DOCK11: variants seen among roughly 807,000 people sequenced by gnomAD.
The protein encoded by DOCK11 is dedicator of cytokinesis protein 11.
DOCK11 carries 70 observed loss-of-function variants against 169.1 expected under a neutral mutation model. That is an observed-to-expected ratio of 0.41 (90% confidence interval 0.34 to 0.51). The LOEUF is 0.51. DOCK11 is among the 20% of genes least tolerant of loss of function. The pLI is 0.10. For missense variants in DOCK11, 1,166 were observed against 1,538.8 expected (o/e 0.76, Z 4.05); for synonymous variants, 529 against 541.3 (o/e 0.98, Z 0.32).
At chrX:118,504,128 C>A (rs188517647) in intron 1 of DOCK11, among the ~76,000 whole-genome samples, 1 of 110,958 alleles carries the variant, frequency 9.0e-6, no homozygotes, top group Non-Finnish European at 1.9e-5. Flanking sequence ...CCAGTCTTCA[C>A]CCCATCTCCG....
chrX:118,612,748 A>AT (rs1438494684), intron 28 of DOCK11, among the ~76,000 whole-genome samples: 2 of 111,989 alleles, frequency 1.8e-5, no homozygotes, highest in African/African-American at 6.5e-5. Flanking sequence ...AAGATGAAAT[A>AT]TGCATGTTCA....
At chrX:118,627,158 G>A (rs990402027) in intron 32 of DOCK11, among the ~76,000 whole-genome samples, 1 of 111,584 alleles carries the variant, frequency 9.0e-6, no homozygotes, top group Non-Finnish European at 1.9e-5. Context: ...AGCCCAGGAG[G>A]TTGAGGCTAC....
chrX:118,670,787 T>TA (rs1404866311), intron 45 of DOCK11, among the ~76,000 whole-genome samples: 1 of 112,313 alleles, frequency 8.9e-6, no homozygotes, highest in African/African-American at 3.2e-5. Flanking sequence ...ATAAACAAAA[T>TA]AATCATAGTT....
intron 19 of DOCK11, among the ~76,000 whole-genome samples, chrX:118,592,006 C>T (rs1603096912): frequency 9.3e-6 from 1 of 107,260 alleles, no homozygotes; most frequent in Admixed American, 1.0e-4. Flanking sequence ...TGTATATGTG[C>T]CACATTTTCT....
intron 1 of DOCK11, among the ~76,000 whole-genome samples, chrX:118,532,097 C>G (rs1309604419): frequency 1.9e-5 from 2 of 106,434 alleles, no homozygotes; most frequent in Non-Finnish European, 3.9e-5. Context: ...TTTTTTGTTT[C>G]AGAGGAGGAT....
chrX:118,547,113 GA>G (rs1303557210), intron 6 of DOCK11, among the ~76,000 whole-genome samples: 1 of 111,487 alleles, frequency 9.0e-6, no homozygotes, highest in African/African-American at 3.3e-5. Flanking sequence ...AATCCAAAGG[GA>G]AAACAAGCTA....
At chrX:118,585,563 G>A (rs2013790392) in intron 16 of DOCK11, among the ~76,000 whole-genome samples, 1 of 105,091 alleles carries the variant, frequency 9.5e-6, no homozygotes, top group Non-Finnish European at 1.9e-5. Flanking sequence ...TCTAAATAAA[G>A]TCACATTCTG....
chrX:118,592,285 C>G (rs1208558779), intron 19 of DOCK11, among the ~76,000 whole-genome samples: 1 of 97,480 alleles, frequency 1.0e-5, no homozygotes, highest in Admixed American at 1.2e-4. Flanking sequence ...CACATCCTCT[C>G]CAGCACCTGT....
intron 39 of DOCK11, among the ~76,000 whole-genome samples, chrX:118,643,176 T>A (rs919993971): frequency 8.9e-6 from 1 of 111,767 alleles, no homozygotes; most frequent in Admixed American, 9.6e-5. Flanking sequence ...TGGTATAGGT[T>A]AATAGAAAAT....
In DOCK11 at chrX:118,604,369, G is replaced by A. The variant is rs146446611; in HGVS notation, c.2563-869G>A. ...TACTATTTTGGTTATTGATTAGAGGGTCTTGAAGACAGATAGTGGCAAAAG... is the reference window on the plus strand; with the variant it reads ...TACTATTTTGGTTATTGATTAGAGGATCTTGAAGACAGATAGTGGCAAAAG... On this transcript the variant is annotated intron_variant, in intron 23 of 52. Coordinates refer to ENST00000276202, the MANE Select transcript of DOCK11 (RefSeq NM_144658.4). Among the ~76,000 whole-genome samples, 652 of 111,147 alleles carry A rather than the reference G, an allele frequency of 5.9e-3. 7 individuals carry two copies. The highest frequency in any genetic ancestry group is 0.021 in the African/African-American group (630 of 30,557).
At chrX:118,597,106 C>T (rs1049402082) in intron 20 of DOCK11, among the ~76,000 whole-genome samples, 1 of 112,064 alleles carries the variant, frequency 8.9e-6, no homozygotes, top group African/African-American at 3.2e-5. Flanking sequence ...ATAATGGTAT[C>T]GATGCGCTTT....
intron 7 of DOCK11, among the ~76,000 whole-genome samples, chrX:118,563,690 A>G (rs186461481): frequency 1.3e-3 from 137 of 106,994 alleles, no homozygotes; most frequent in African/African-American, 4.2e-3. Context: ...TATTTTTATT[A>G]TCATTTAAAA....
intron 37 of DOCK11, 33 bp from the exon 38 acceptor site, chrX:118,639,402 C>T: frequency 8.4e-7 from 1 of 1,192,421 alleles, no homozygotes; most frequent in South Asian, 1.8e-5. Context: ...GTTATTAGAG[C>T]ACTCCAGTTC....
chrX:118,635,744 C>T (rs769988349), intron 35 of DOCK11, among the ~76,000 whole-genome samples: 32 of 110,845 alleles, frequency 2.9e-4, no homozygotes, highest in South Asian at 7.7e-4. Flanking sequence ...CTGGCCACCA[C>T]GCCCAGCTAA....
intron 18 of DOCK11, among the ~76,000 whole-genome samples, chrX:118,588,731 T>C (rs934112297): frequency 1.8e-5 from 2 of 112,436 alleles, no homozygotes; most frequent in African/African-American, 6.5e-5. Flanking sequence ...TTGCAATTGC[T>C]TCAATGCCCA....
intron 1 of DOCK11, among the ~76,000 whole-genome samples, chrX:118,509,862 C>G (rs1296826655): frequency 2.7e-5 from 3 of 111,965 alleles, no homozygotes; most frequent in Non-Finnish European, 5.6e-5. Flanking sequence ...TAGAGGATGC[C>G]CACATTCCTT....
intron 13 of DOCK11, among the ~76,000 whole-genome samples, chrX:118,579,343 A>T (rs2013551977): frequency 8.9e-6 from 1 of 111,784 alleles, no homozygotes; most frequent in South Asian, 3.8e-4. Flanking sequence ...TCCTTTTATA[A>T]ATGGAAAAAC....
chrX:118,647,139 ATGTGTGTGTGTGTGTG>A (rs200211345), intron 40 of DOCK11, among the ~76,000 whole-genome samples: 247 of 85,521 alleles, frequency 2.9e-3, no homozygotes, highest in African/African-American at 8.4e-3. Context: ...TGAAGAGGAT[ATGTGTGTGTGTGTGTG>A]TGTGTGTGTG....
At position 118,593,216 on chromosome X, in the gene DOCK11, T is replaced by G. The variant is rs1456341807; in HGVS notation, c.2142T>G (p.Ile714Met). ...GTGTAATTTTGCTTTCATTTCAGAT[T>G]AAAATTGAGCTTCCCATTCACCTAC... is the stretch of plus-strand genomic sequence containing the variant. ...HNQNPEFYDEIKIELPIHLHQ... is the reference protein window; with the variant it reads ...HNQNPEFYDEMKIELPIHLHQ... The change falls in exon 20 of 53, where the codon ATT becomes ATG. Residue 714 changes from isoleucine to methionine, a missense_variant and splice_region_variant. By Grantham distance (10) the Ile-to-Met change is conservative. Coordinates refer to ENST00000276202, the MANE Select transcript of DOCK11 (RefSeq NM_144658.4). 1 of 1,193,875 alleles carries G rather than the reference T, an allele frequency of 8.4e-7. No homozygotes were observed. Among genetic ancestry groups the G allele is most frequent in the South Asian group, 1.9e-5 (1 of 52,819 alleles).
Sources: gnomAD v4.1 joint callset for allele counts (sites outside exome capture counted in the v4.1 genomes callset) on GRCh38, gnomAD v4.1.1 for gene constraint, MANE v1.5 for transcripts, NCBI Gene and HGNC (gene_info 2026-07-23, HGNC 2026-07-21) for gene names.